Variants in DIS3L2 observed in about 807,000 individuals in gnomAD.
DIS3L2 encodes the protein DIS3 like 3'-5' exoribonuclease 2.
Under a neutral mutation model 97.5 loss-of-function variants are expected in DIS3L2, and 34 were observed. The ratio of observed to expected loss-of-function variants is 0.35; its 90% CI spans 0.27 to 0.46. The LOEUF (loss-of-function observed/expected upper bound fraction) is 0.46. Ranked by LOEUF, DIS3L2 falls within the 20% of genes least tolerant of loss-of-function variation. The pLI, the probability that DIS3L2 is intolerant of heterozygous loss-of-function variation, is 1.00. For missense variants in DIS3L2, 1,038 were observed against 1,146.0 expected (o/e 0.91, Z 1.36); for synonymous variants, 435 against 445.2 (o/e 0.98, Z 0.29).
chr2:232,032,540 A>C (rs1440517148), intron 5 of DIS3L2, among the ~76,000 whole-genome samples: 2 of 151,844 alleles, frequency 1.3e-5, no homozygotes, highest in Non-Finnish European at 2.9e-5. Flanking sequence ...TTTTTGTTGC[A>C]ATTGCTTTTT....
intron 10 of DIS3L2, among the ~76,000 whole-genome samples, chr2:232,218,648 A>G (rs535444062): frequency 6.6e-6 from 1 of 152,318 alleles, no homozygotes; most frequent in South Asian, 2.1e-4. Context: ...TTATGATGGC[A>G]TCAGCTGGCG....
intron 5 of DIS3L2, among the ~76,000 whole-genome samples, chr2:232,086,248 C>T (rs1481678291): frequency 6.9e-6 from 1 of 145,352 alleles, no homozygotes; most frequent in African/African-American, 2.7e-5. Flanking sequence ...TATATATACA[C>T]ACGTATAGAC....
chr2:232,271,665 A>G (rs1694010690), intron 13 of DIS3L2, among the ~76,000 whole-genome samples: 1 of 152,218 alleles, frequency 6.6e-6, no homozygotes, highest in Admixed American at 6.5e-5. Context: ...AAGTAAATCC[A>G]CAGCCAAGAA....
At position 232,037,407 on chromosome 2, in the gene DIS3L2, G is replaced by C. The variant is rs1302157288; in HGVS notation, c.366+7327G>C. Among the ~76,000 whole-genome samples, 2 of 152,200 alleles carry C rather than the reference G, an allele frequency of 1.3e-5. No homozygotes were observed. Among genetic ancestry groups the C allele is most frequent in the African/African-American group, 4.8e-5 (2 of 41,446 alleles). ...TCCCCACCAAGCTCAAGTGTCCCAGGTCGACTTCAGACTGCTATGCTGGCA... is the reference window on the plus strand; with the variant it reads ...TCCCCACCAAGCTCAAGTGTCCCAGCTCGACTTCAGACTGCTATGCTGGCA... On this transcript the variant is annotated intron_variant, in intron 5 of 20. Coordinates refer to ENST00000325385, the MANE Select transcript of DIS3L2 (RefSeq NM_152383.5). The surrounding 1 kb of genome is among the most constrained non-coding windows in gnomAD (Gnocchi z 4.6).
chr2:232,032,042 G>T (rs1383649605), intron 5 of DIS3L2, among the ~76,000 whole-genome samples: 3 of 152,188 alleles, frequency 2.0e-5, no homozygotes, highest in Non-Finnish European at 2.9e-5. Flanking sequence ...GGATTGCCGG[G>T]TCAAATGGTA....
intron 13 of DIS3L2, among the ~76,000 whole-genome samples, chr2:232,274,429 G>A (rs192612111): frequency 5.9e-5 from 9 of 152,334 alleles, no homozygotes; most frequent in East Asian, 5.8e-4. Flanking sequence ...ATTCTTTGAC[G>A]TTAGTAAAAC....
rs1239580209 is a variant in DIS3L2 at position 232,336,672 on chromosome 2, C to T, written c.*42C>T. 1.3e-6 allele frequency: 2 copies of T among 1,575,096 alleles called. No homozygotes were observed. Among genetic ancestry groups the T allele is most frequent in the Non-Finnish European group, 1.7e-6 (2 of 1,165,208 alleles). On this transcript the variant is annotated 3_prime_UTR_variant, in exon 21 of 21. Transcript: ENST00000325385. Reference sequence around the variant, plus strand: ...GCCCCGCCTGCCCCGCCTGCCTGTCCCGCCACACTGGCTTTAGGACCTGTT... The same window carrying T: ...GCCCCGCCTGCCCCGCCTGCCTGTCTCGCCACACTGGCTTTAGGACCTGTT...
intron 1 of DIS3L2, among the ~76,000 whole-genome samples, chr2:231,984,344 A>G (rs991741450): frequency 6.0e-5 from 9 of 150,662 alleles, no homozygotes; most frequent in Non-Finnish European, 1.3e-4. Flanking sequence ...TCTGTCACCC[A>G]GGCTGGAGTG....
chr2:232,234,331 G>C (rs1692877270), intron 10 of DIS3L2, among the ~76,000 whole-genome samples: 1 of 152,174 alleles, frequency 6.6e-6, no homozygotes, highest in African/African-American at 2.4e-5. Flanking sequence ...GTTCACTCCT[G>C]CTATCTGTAT....
intron 10 of DIS3L2, among the ~76,000 whole-genome samples, chr2:232,235,977 C>T (rs1438103242): frequency 6.6e-6 from 1 of 152,204 alleles, no homozygotes; most frequent in Non-Finnish European, 1.5e-5. Flanking sequence ...ACAGCCCTCT[C>T]CTCTGTGGGA....
intron 12 of DIS3L2, among the ~76,000 whole-genome samples, chr2:232,254,469 C>G (rs938403833): frequency 6.6e-6 from 1 of 150,600 alleles, no homozygotes; most frequent in African/African-American, 2.4e-5. Context: ...GTAATTTTTT[C>G]TACTTTTTTG....
chr2:232,086,615 A>ATATATATATATATACACATATATATG (rs1696636326), intron 5 of DIS3L2, among the ~76,000 whole-genome samples: 2 of 54,546 alleles, frequency 3.7e-5, no homozygotes, highest in African/African-American at 1.2e-4. Flanking sequence ...GTGTGTGTGT[A>ATATATATATATATACACATATATATG]TATATATATA....
chr2:232,318,806 C>T (rs1014070847), intron 14 of DIS3L2, among the ~76,000 whole-genome samples: 5 of 152,194 alleles, frequency 3.3e-5, no homozygotes, highest in Non-Finnish European at 5.9e-5. Flanking sequence ...AGAGAGCCGC[C>T]TCACCAAGCC....
In DIS3L2 at chr2:232,210,320, T is replaced by G. The variant is rs764758535; in HGVS notation, c.1125-6T>G. 34 of 1,612,384 alleles carry G rather than the reference T, an allele frequency of 2.1e-5. No homozygotes were observed. The highest frequency in any genetic ancestry group is 1.6e-4 in the African/African-American group (12 of 75,008). ...CATTGCTAATTGTTTCTTCACTCTTTCCTAGAAAAGACTGTATCTTCACCA... is the reference window on the plus strand; with the variant it reads ...CATTGCTAATTGTTTCTTCACTCTTGCCTAGAAAAGACTGTATCTTCACCA... On this transcript the variant is annotated splice_polypyrimidine_tract_variant and splice_region_variant and intron_variant, in intron 9 of 20. Transcript: ENST00000325385.
chr2:232,310,723 C>G (rs916048137), intron 14 of DIS3L2, among the ~76,000 whole-genome samples: 4 of 152,246 alleles, frequency 2.6e-5, no homozygotes, highest in Admixed American at 2.6e-4. Context: ...GCAGGCTTCT[C>G]CCTGGATACT....
chr2:231,983,158 G>T (rs1371555833), intron 1 of DIS3L2, among the ~76,000 whole-genome samples: 1 of 152,214 alleles, frequency 6.6e-6, no homozygotes, highest in East Asian at 1.9e-4. Flanking sequence ...CATCAGAGAG[G>T]AGTTTTCAGT....
At chr2:232,040,674 G>A (rs1231433608) in intron 5 of DIS3L2, among the ~76,000 whole-genome samples, 1 of 152,066 alleles carries the variant, frequency 6.6e-6, no homozygotes, top group Non-Finnish European at 1.5e-5. Flanking sequence ...TAACTTACTG[G>A]TGCTTACCGT....
At chr2:232,211,982 G>A (rs1056832468) in intron 10 of DIS3L2, among the ~76,000 whole-genome samples, 1 of 152,016 alleles carries the variant, frequency 6.6e-6, no homozygotes, top group Non-Finnish European at 1.5e-5. Context: ...CCCAAAGCAC[G>A]AGCCACTATG....
chr2:232,330,644 C>T, intron 15 of DIS3L2, 46 bp from the exon 16 acceptor site: 3 of 1,598,570 alleles, frequency 1.9e-6, no homozygotes, highest in South Asian at 1.1e-5. Context: ...GAGTCTCTGC[C>T]CGAGCTGGAC....
Sources: allele counts gnomAD v4.1 joint callset (sites outside exome capture counted in the v4.1 genomes callset), GRCh38; gene constraint gnomAD v4.1.1; non-coding constraint Gnocchi (gnomAD v3.1); transcripts MANE v1.5; gene names NCBI Gene and HGNC (gene_info 2026-07-23, HGNC 2026-07-21).